Variants in NFAT5 observed in about 807,000 individuals in gnomAD.
NFAT5 encodes the protein nuclear factor of activated T cells 5, also known as nuclear factor of activated T-cells 5.
NFAT5 carries 31 observed loss-of-function variants against 166.5 expected under a neutral mutation model. The ratio of observed to expected loss-of-function variants is 0.19; its 90% CI spans 0.14 to 0.25. The LOEUF (loss-of-function observed/expected upper bound fraction) is 0.25, where lower values mean the gene tolerates loss of function less well. Among genes scored for constraint, NFAT5 ranks in the 10% least tolerant of loss-of-function variants. NFAT5 has a pLI of 1.00. For missense variants in NFAT5, 1,449 were observed against 1,821.8 expected, an observed-to-expected ratio of 0.80 and a Z score of 3.72; for synonymous variants, 612 against 639.7, an observed-to-expected ratio of 0.96 and a Z score of 0.65.
rs758828053 is a variant in NFAT5 at position 69,695,219 on chromosome 16, G to A, written c.4498G>A (p.Glu1500Lys). The stretch of plus-strand genomic sequence containing the variant: ...AAGTCAGCCAGGCCAACCACAAAAC[G>A]AGGGCCAGCCACCTGTGACAACACT... ...AISQPGQPQN[E>K]GQPPVTTLLS... The change falls in exon 14 of 15, where the codon GAG becomes AAG. Residue 1500 changes from glutamate (E) to lysine (K), a missense_variant. Glu to Lys is a moderately conservative substitution (Grantham distance 56). Coordinates refer to ENST00000349945, the MANE Select transcript of NFAT5 (RefSeq NM_138713.4). The A allele has an allele frequency of 5.6e-6, 9 of 1,614,098 alleles. No homozygotes were observed. The highest frequency in any genetic ancestry group is 5.5e-5 in the South Asian group (5 of 91,068).
chr16:69,643,976 A>G (rs2035327573), intron 3 of NFAT5, among the ~76,000 whole-genome samples: 1 of 152,168 alleles, frequency 6.6e-6, no homozygotes, highest in African/African-American at 2.4e-5. Context: ...TCATCAGAGG[A>G]TCAATAGTAC....
At chr16:69,683,315 T>G (rs1190322793) in intron 10 of NFAT5, among the ~76,000 whole-genome samples, 1 of 152,156 alleles carries the variant, frequency 6.6e-6, no homozygotes, top group Non-Finnish European at 1.5e-5. Flanking sequence ...GCAGATTGCT[T>G]GTGCTCAGCA....
At chr16:69,691,187 A>G (rs1018878634) in intron 12 of NFAT5, 99 bp downstream of exon 12, 3 of 1,152,106 alleles carry the variant, frequency 2.6e-6, no homozygotes, top group Admixed American at 3.1e-5. Flanking sequence ...GATGCACTTA[A>G]TGAATTTTGC....
In NFAT5 at chr16:69,604,707, T is replaced by A. The variant is rs961190874; in HGVS notation, c.128-21696T>A. Among the ~76,000 whole-genome samples the A allele has an allele frequency of 1.1e-4, 16 of 152,276 alleles. 2 individuals are homozygous for A. Among genetic ancestry groups the A allele is most frequent in the East Asian group, 3.9e-4 (2 of 5,186 alleles). ...ATTTTTATCATTCCCAGAAGGAAAATCCTGTGTCCATCTTCAATCTCCCCT... is the reference window on the plus strand; with the variant it reads ...ATTTTTATCATTCCCAGAAGGAAAAACCTGTGTCCATCTTCAATCTCCCCT... On this transcript the variant is annotated intron_variant, in intron 2 of 14. Coordinates refer to ENST00000349945, the MANE Select transcript of NFAT5 (RefSeq NM_138713.4).
chr16:69,680,117 CAAAAG>C lies in NFAT5; in HGVS notation c.1690+2787_1690+2791del, dbSNP rs373000911. On this transcript the variant is annotated intron_variant, in intron 10 of 14. Coordinates refer to ENST00000349945, the MANE Select transcript of NFAT5 (RefSeq NM_138713.4). ...TGGGCGACAGAGCAAGACTCCATCT[CAAAAG>C]AAAAAGGAAAGAAAATTAATGATAG... 1.5e-3 allele frequency among the ~76,000 whole-genome samples: 222 copies of C among 152,058 alleles called. No individual in the cohort carries two copies. In the South Asian group the frequency reaches 0.018, roughly 12 times the overall value.
chr16:69,632,483 A>G (rs2034764249), intron 3 of NFAT5: 1 of 152,206 alleles, frequency 6.6e-6, no homozygotes. Flanking sequence ...TTGAAAAGCC[A>G]TACCTCTTCT....
At chr16:69,643,609 A>G (rs923657316) in intron 3 of NFAT5, among the ~76,000 whole-genome samples, 6 of 152,156 alleles carry the variant, frequency 3.9e-5, no homozygotes, top group Non-Finnish European at 8.8e-5. Flanking sequence ...GTAGTAATAT[A>G]TATTCTAAGT....
In NFAT5 at chr16:69,684,916, A is replaced by G. The variant is rs1354015200; in HGVS notation, c.1720A>G (p.Lys574Glu). ...AGCTGGTGCTTTGAATGTAAATGTG[A>G]AGAAGGAAATATCTAGTCCAGCAAG... ...AAAGALNVNV[K>E]KEISSPARPC... The change falls in exon 11 of 15, where the codon AAG (lysine) becomes GAG (glutamate). Residue 574 changes from lysine to glutamate, a missense_variant. This residue lies in a region of NFAT5 where 245 missense variants were observed against 366.6 expected (regional missense o/e 0.67). Transcript: ENST00000349945. 1 of 1,609,086 alleles carries G rather than the reference A, an allele frequency of 6.2e-7. No individual in the cohort carries two copies.
intron 11 of NFAT5, among the ~76,000 whole-genome samples, chr16:69,686,456 G>T (rs901040123): frequency 6.6e-6 from 1 of 152,160 alleles, no homozygotes; most frequent in African/African-American, 2.4e-5. Context: ...TGAAGAGGTC[G>T]AAGGTGCATT....
chr16:69,666,320 G>A (rs1431422797), intron 7 of NFAT5, among the ~76,000 whole-genome samples: 1 of 151,984 alleles, frequency 6.6e-6, no homozygotes, highest in Admixed American at 6.6e-5. Context: ...ATTGACAAAT[G>A]GGATCTAATT....
intron 3 of NFAT5, among the ~76,000 whole-genome samples, chr16:69,627,526 T>G (rs983674578): frequency 1.3e-5 from 2 of 152,074 alleles, no homozygotes; most frequent in African/African-American, 4.8e-5. Context: ...AGTGTAAGGT[T>G]GTGGTTTAAA....
At chr16:69,662,172 G>A (rs916416999) in intron 7 of NFAT5, among the ~76,000 whole-genome samples, 7 of 152,160 alleles carry the variant, frequency 4.6e-5, no homozygotes, top group African/African-American at 7.2e-5. Context: ...AACATAGTAA[G>A]AGCATCTAAT....
chr16:69,624,059 A>G (rs2151576550), intron 2 of NFAT5, among the ~76,000 whole-genome samples: 1 of 151,882 alleles, frequency 6.6e-6, no homozygotes, highest in South Asian at 2.1e-4. Context: ...CCGTCTACTT[A>G]AGGCTTTTAA....
intron 10 of NFAT5, among the ~76,000 whole-genome samples, chr16:69,678,117 C>T (rs1294941977): frequency 1.3e-5 from 2 of 151,794 alleles, no homozygotes; most frequent in East Asian, 2.0e-4. Flanking sequence ...GAGATTGTGC[C>T]ATTGCACTCC....
intron 9 of NFAT5, among the ~76,000 whole-genome samples, chr16:69,673,738 A>G (rs2036719222): frequency 6.6e-6 from 1 of 152,104 alleles, no homozygotes; most frequent in African/African-American, 2.4e-5. Flanking sequence ...AAAAAAAGAC[A>G]ACACACTTTG....
intron 2 of NFAT5, among the ~76,000 whole-genome samples, chr16:69,604,202 G>A (rs1011384491): frequency 6.6e-6 from 1 of 152,146 alleles, no homozygotes; most frequent in Non-Finnish European, 1.5e-5. Context: ...CCAGGACAAC[G>A]TGCACACACA....
intron 10 of NFAT5, among the ~76,000 whole-genome samples, chr16:69,682,755 T>C (rs899256268): frequency 6.6e-6 from 1 of 152,226 alleles, no homozygotes; most frequent in Non-Finnish European, 1.5e-5. Flanking sequence ...TATGTGTGTT[T>C]TTTTTCCATT....
chr16:69,583,233 G>A (rs1045170899), intron 2 of NFAT5, among the ~76,000 whole-genome samples: 3 of 151,816 alleles, frequency 2.0e-5, no homozygotes, highest in African/African-American at 7.3e-5. Context: ...GTCTCATTCT[G>A]TCACCCTGGC....
intron 3 of NFAT5, among the ~76,000 whole-genome samples, chr16:69,627,839 CTGA>C (rs1030517733): frequency 3.3e-5 from 5 of 152,070 alleles, no homozygotes; most frequent in African/African-American, 1.2e-4. Flanking sequence ...TAAAATGGCT[CTGA>C]TGATATTTTT....
Sources: allele counts gnomAD v4.1 joint callset (sites outside exome capture counted in the v4.1 genomes callset), GRCh38; gene constraint gnomAD v4.1.1; regional missense constraint gnomAD v4.1.1; transcripts MANE v1.5; gene names NCBI Gene and HGNC (gene_info 2026-07-23, HGNC 2026-07-21).